Variants in DNAJC16 observed in about 807,000 individuals in gnomAD.
The protein encoded by DNAJC16 is DnaJ heat shock protein family (Hsp40) member C16.
Under a neutral mutation model 92.7 loss-of-function variants are expected in DNAJC16, and 76 were observed. The ratio of observed to expected loss-of-function variants is 0.82; its 90% CI spans 0.68 to 0.99. The LOEUF (loss-of-function observed/expected upper bound fraction) is 0.99. Among genes scored for constraint, DNAJC16 ranks in the 50% least tolerant of loss-of-function variants. The pLI, the probability that DNAJC16 is intolerant of heterozygous loss-of-function variation, is 0.00. For missense variants in DNAJC16, 869 were observed against 942.4 expected, an observed-to-expected ratio of 0.92 and a Z score of 1.02; for synonymous variants, 328 against 358.7, an observed-to-expected ratio of 0.91 and a Z score of 0.97.
At chr1:15,544,027 G>A (rs2103411722) in intron 4 of DNAJC16, among the ~76,000 whole-genome samples, 1 of 152,236 alleles carries the variant, frequency 6.6e-6, no homozygotes, top group Non-Finnish European at 1.5e-5. Context: ...TATTGAATGT[G>A]TCTCCAGTGT....
At chr1:15,538,148 A>G (rs1205712543) in intron 4 of DNAJC16, among the ~76,000 whole-genome samples, 3 of 152,072 alleles carry the variant, frequency 2.0e-5, no homozygotes, top group Non-Finnish European at 2.9e-5. Context: ...TGTAATCCCA[A>G]CACTTTGGGA....
chr1:15,549,147 A>G (rs1638382524), intron 7 of DNAJC16, among the ~76,000 whole-genome samples: 2 of 152,220 alleles, frequency 1.3e-5, no homozygotes, highest in South Asian at 4.1e-4. Context: ...TGTCCTGTGA[A>G]CACAGAAGGG....
rs545204156 is a variant in DNAJC16 at position 15,533,276 on chromosome 1, T to C, written c.168-961T>C. On this transcript the variant is annotated intron_variant, in intron 2 of 14. Transcript: ENST00000375847. ...ACTTTGGGAGGCCAAGGCAGGAGGA[T>C]GGCATGAGTCCAGGAATTTGAGACC... Among the ~76,000 whole-genome samples, 16 of 152,316 alleles carry C rather than the reference T, an allele frequency of 1.1e-4. No individual in the cohort carries two copies. The South Asian group carries it at 2.7e-3, about 26-fold the overall frequency.
chr1:15,547,459 C>T (rs1269395940), intron 6 of DNAJC16, among the ~76,000 whole-genome samples: 57 of 119,882 alleles, frequency 4.8e-4, no homozygotes, highest in African/African-American at 1.6e-3. Context: ...TTTTTTTTTT[C>T]GGAGACCAAG....
chr1:15,546,847 G>A lies in DNAJC16; in HGVS notation c.840G>A (p.Thr280=), dbSNP rs1339776199. The A allele has an allele frequency of 4.3e-6, 7 of 1,612,646 alleles. No homozygotes were observed. In the Admixed American group the frequency reaches 6.7e-5, roughly 15 times the overall value. ...CTCATGTCCTTCTGTTTGACCAAAC[G>A]CCCATTGTGCCACTGTTATACAAGG... The part of the protein sequence containing the change: ...NKPHVLLFDQ[T]PIVPLLYKLT... Residue 280 remains threonine, a synonymous_variant, in exon 6 of 15, where the codon ACG becomes ACA. Transcript: ENST00000375847.
chr1:15,532,321 T>C (rs1388637904), intron 2 of DNAJC16, among the ~76,000 whole-genome samples: 1 of 152,220 alleles, frequency 6.6e-6, no homozygotes, highest in Non-Finnish European at 1.5e-5. Flanking sequence ...TTGTGTATTA[T>C]ATTGCAGTTC....
chr1:15,545,299 T>C (rs1314580836), intron 5 of DNAJC16, among the ~76,000 whole-genome samples: 1 of 152,234 alleles, frequency 6.6e-6, no homozygotes, highest in East Asian at 1.9e-4. Flanking sequence ...TATTTCTACA[T>C]GTGCTATTCC....
intron 3 of DNAJC16, 55 bp from the exon 4 acceptor site, chr1:15,536,420 A>G (rs947405987): frequency 4.3e-5 from 62 of 1,433,762 alleles, no homozygotes; most frequent in Non-Finnish European, 5.6e-5. Flanking sequence ...TGCTTACAAA[A>G]AAGTCTTTTG....
At position 15,549,124 on chromosome 1, in the gene DNAJC16, A is replaced by G. The variant is rs113462328; in HGVS notation, c.1023+696A>G. Among the ~76,000 whole-genome samples, 1,453 of 152,288 alleles carry G rather than the reference A, an allele frequency of 9.5e-3. 24 individuals carry two copies. The highest frequency in any genetic ancestry group is 0.032 in the African/African-American group (1,333 of 41,564). On this transcript the variant is annotated intron_variant, in intron 7 of 14. Transcript: ENST00000375847. ...ATCTTGCTAGAGGCAGTCCACTCTA[A>G]TGGCAGCTCAGGTGTCCTGTGAACA... is the stretch of plus-strand genomic sequence containing the variant.
chr1:15,536,344 T>G, intron 3 of DNAJC16, 131 bp from the exon 4 acceptor site: 2 of 706,738 alleles, frequency 2.8e-6, no homozygotes, highest in South Asian at 4.1e-5. Context: ...CCTCCCAAAG[T>G]GCTGGGATTA....
intron 7 of DNAJC16, among the ~76,000 whole-genome samples, chr1:15,549,436 C>T (rs1638390281): frequency 6.6e-6 from 1 of 152,152 alleles, no homozygotes; most frequent in African/African-American, 2.4e-5. Context: ...TCCCCTGATC[C>T]ACCCCACTTA....
In DNAJC16 at chr1:15,536,819, G is replaced by A; in HGVS notation, c.574+5G>A. The A allele has an allele frequency of 6.3e-7, 1 of 1,583,510 alleles. No individual in the cohort carries two copies. The highest frequency in any genetic ancestry group is 8.6e-7 in the Non-Finnish European group (1 of 1,169,410). ...TTCAAGAACTGGAAGAATTGGGTAA[G>A]ATAATTTTATTCACTGAAAGATATT... On this transcript the variant is annotated splice_donor_5th_base_variant and intron_variant, in intron 4 of 14. Coordinates refer to ENST00000375847, the MANE Select transcript of DNAJC16 (RefSeq NM_015291.4).
chr1:15,548,146 C>A, intron 6 of DNAJC16, 124 bp from the exon 7 acceptor site: 1 of 820,596 alleles, frequency 1.2e-6, no homozygotes, highest in Non-Finnish European at 1.9e-6. Context: ...ATACGGAAGA[C>A]CTAGTGGAGC....
intron 7 of DNAJC16, among the ~76,000 whole-genome samples, chr1:15,549,834 AAAAAG>A (rs1638402269): frequency 6.6e-6 from 1 of 151,854 alleles, no homozygotes; most frequent in Non-Finnish European, 1.5e-5. Context: ...AAAAAAAAAA[AAAAAG>A]ATGTTTTGAG....
At chr1:15,566,997 A>C in intron 13 of DNAJC16, 102 bp from the exon 14 acceptor site, 2 of 1,094,330 alleles carry the variant, frequency 1.8e-6, no homozygotes, top group Non-Finnish European at 2.6e-6. Flanking sequence ...TAACATACCT[A>C]GTCTGGTTAG....
intron 9 of DNAJC16, among the ~76,000 whole-genome samples, chr1:15,562,613 A>G (rs1396267096): frequency 6.6e-6 from 1 of 151,388 alleles, no homozygotes; most frequent in Admixed American, 6.6e-5. Context: ...AGCCTCCCAC[A>G]TAGCTGGGAC....
Position 15,567,642 on chromosome 1 carries a change from T to C in DNAJC16, c.1950-136T>C, listed in dbSNP as rs927068509. 1.8e-5 allele frequency: 18 copies of C among 992,368 alleles called. No individual in the cohort carries two copies. The Admixed American group carries it at 2.3e-4, about 13-fold the overall frequency. 61.5% of individuals were successfully genotyped at this position (992,368 alleles called of 1,614,324 possible). On this transcript the variant is annotated intron_variant, in intron 14 of 14. Coordinates refer to ENST00000375847, the MANE Select transcript of DNAJC16 (RefSeq NM_015291.4). Reference sequence around the variant, plus strand: ...AGGCACTGGCTCCCACAGAAGGCCTTCTTTTTCTCTGTGTTCAGGCCCCAT... The same window carrying C: ...AGGCACTGGCTCCCACAGAAGGCCTCCTTTTTCTCTGTGTTCAGGCCCCAT...
chr1:15,544,699 G>T, intron 5 of DNAJC16, 116 bp downstream of exon 5: 1 of 948,690 alleles, frequency 1.1e-6, no homozygotes, highest in East Asian at 2.5e-5. Context: ...TTGTGAGGAA[G>T]GCATGACACT....
chr1:15,549,817 C>CA (rs777127254), intron 7 of DNAJC16, among the ~76,000 whole-genome samples: 12,859 of 55,620 alleles, frequency 0.23, 1,170 homozygotes, highest in African/African-American at 0.32. Flanking sequence ...GACTCCGTCT[C>CA]AAAAAAAAAA....
Sources: allele counts gnomAD v4.1 joint callset (sites outside exome capture counted in the v4.1 genomes callset), GRCh38; gene constraint gnomAD v4.1.1; transcripts MANE v1.5; gene names NCBI Gene and HGNC (gene_info 2026-07-23, HGNC 2026-07-21).